AGBL4: variants seen among roughly 807,000 people sequenced by gnomAD.
AGBL4 encodes AGBL carboxypeptidase 4.
AGBL4 carries 58 observed loss-of-function variants against 66.4 expected under a neutral mutation model. That is an observed-to-expected ratio of 0.87 (90% CI 0.71 to 1.09). The LOEUF is 1.09. Among genes scored for constraint, AGBL4 ranks in the 50% least tolerant of loss-of-function variants. The pLI, the probability that AGBL4 is intolerant of heterozygous loss-of-function variation, is 0.00. For missense variants in AGBL4, 579 were observed against 631.0 expected (o/e 0.92, Z 0.88); for synonymous variants, 234 against 222.9 (o/e 1.05, Z -0.44).
chr1:49,754,899 G>C (rs1162441895), intron 2 of AGBL4, among the ~76,000 whole-genome samples: 1 of 152,214 alleles, frequency 6.6e-6, no homozygotes, highest in Non-Finnish European at 1.5e-5. Flanking sequence ...GTTGCCCCTT[G>C]AATCTGAAGG....
At chr1:49,872,532 CAGGA>C (rs1646862650) in intron 1 of AGBL4, among the ~76,000 whole-genome samples, 2 of 152,042 alleles carry the variant, frequency 1.3e-5, no homozygotes, top group Admixed American at 1.3e-4. Context: ...CTGACAGGTC[CAGGA>C]ACTGCAAGTT....
At chr1:48,685,481 C>T (rs111489623) in intron 6 of AGBL4, among the ~76,000 whole-genome samples, 221 of 152,264 alleles carry the variant, frequency 1.5e-3, no homozygotes, top group African/African-American at 4.4e-3. Flanking sequence ...GAAGCCTTGT[C>T]AGAACAAGAT....
chr1:48,577,893 T>G (rs778450772), intron 11 of AGBL4, among the ~76,000 whole-genome samples: 39 of 152,110 alleles, frequency 2.6e-4, no homozygotes, highest in Non-Finnish European at 4.7e-4. Flanking sequence ...ACTGGGAAGA[T>G]TACAGAGCAG....
At chr1:49,694,537 T>G (rs528020392) in intron 3 of AGBL4, among the ~76,000 whole-genome samples, 3 of 152,138 alleles carry the variant, frequency 2.0e-5, no homozygotes, top group African/African-American at 7.2e-5. Flanking sequence ...GCACTCTATA[T>G]GCAGACAGAA....
chr1:49,180,942 T>A (rs1049039477), intron 4 of AGBL4, among the ~76,000 whole-genome samples: 10 of 152,158 alleles, frequency 6.6e-5, no homozygotes, highest in Admixed American at 5.9e-4. Flanking sequence ...GTTAGAGAAT[T>A]TAGGGATGTT....
chr1:49,743,905 G>A (rs1173502620), intron 2 of AGBL4, among the ~76,000 whole-genome samples: 2 of 118,034 alleles, frequency 1.7e-5, no homozygotes, highest in Non-Finnish European at 3.4e-5. Flanking sequence ...GACCTATTGT[G>A]GGGTGGGGGG....
chr1:49,335,732 G>A (rs904672503), intron 3 of AGBL4, among the ~76,000 whole-genome samples: 5 of 152,060 alleles, frequency 3.3e-5, no homozygotes, highest in African/African-American at 7.2e-5. Flanking sequence ...AGTCAGGATG[G>A]TCTCAATCTC....
At position 48,709,702 on chromosome 1, in the gene AGBL4, C is replaced by T. The variant is rs1424249759; in HGVS notation, c.635-46461G>A. Reference sequence around the variant, plus strand: ...CTGCAAGGTCTGCCTTCCAGGTTCACGCCATTCTCTGGCCTCAGCCTCCTG... The same window carrying T: ...CTGCAAGGTCTGCCTTCCAGGTTCATGCCATTCTCTGGCCTCAGCCTCCTG... On this transcript the variant is annotated intron_variant, in intron 6 of 13. Coordinates refer to ENST00000371839, the MANE Select transcript of AGBL4 (RefSeq NM_032785.4). 4.0e-5 allele frequency among the ~76,000 whole-genome samples: 6 copies of T among 151,818 alleles called. No homozygotes were observed. In the East Asian group the frequency reaches 5.8e-4, roughly 15 times the overall value.
At chr1:48,933,584 C>G (rs1244230089) in intron 5 of AGBL4, among the ~76,000 whole-genome samples, 2 of 152,206 alleles carry the variant, frequency 1.3e-5, no homozygotes, top group Admixed American at 6.5e-5. Flanking sequence ...ATTCCTACAA[C>G]TAGCTCTATA....
chr1:49,866,822 G>C (rs1247709802), intron 1 of AGBL4, among the ~76,000 whole-genome samples: 2 of 150,286 alleles, frequency 1.3e-5, no homozygotes, highest in East Asian at 3.9e-4. Flanking sequence ...CTTGTATTTG[G>C]TCACCTTGAC....
At chr1:49,978,447 A>T (rs1658765811) in intron 1 of AGBL4, among the ~76,000 whole-genome samples, 1 of 152,214 alleles carries the variant, frequency 6.6e-6, no homozygotes, top group African/African-American at 2.4e-5. Flanking sequence ...CTATCACTAA[A>T]ATAAACAACA....
intron 2 of AGBL4, among the ~76,000 whole-genome samples, chr1:49,760,161 ATTTG>A (rs1188928130): frequency 2.6e-5 from 4 of 152,084 alleles, no homozygotes; most frequent in African/African-American, 9.7e-5. Context: ...TTCCTTGTAA[ATTTG>A]TTTAAGTTCC....
At chr1:49,031,761 A>G (rs1181623316) in intron 5 of AGBL4, among the ~76,000 whole-genome samples, 1 of 152,152 alleles carries the variant, frequency 6.6e-6, no homozygotes, top group Non-Finnish European at 1.5e-5. Flanking sequence ...TCCTTCTATA[A>G]AGACCCATCT....
intron 6 of AGBL4, among the ~76,000 whole-genome samples, chr1:48,714,196 C>T (rs1647011581): frequency 6.6e-6 from 1 of 152,130 alleles, no homozygotes; most frequent in Admixed American, 6.5e-5. Flanking sequence ...ATTTCTAGGG[C>T]TCAATGGGGG....
intron 6 of AGBL4, among the ~76,000 whole-genome samples, chr1:48,714,442 AC>A (rs1178352129): frequency 1.3e-5 from 2 of 152,088 alleles, no homozygotes; most frequent in Non-Finnish European, 1.5e-5. Context: ...TAATCAGCAA[AC>A]CATGCTGGTT....
intron 6 of AGBL4, among the ~76,000 whole-genome samples, chr1:48,754,861 C>T (rs924079414): frequency 3.9e-5 from 6 of 152,078 alleles, no homozygotes; most frequent in Non-Finnish European, 7.4e-5. Flanking sequence ...GAAGGCCATA[C>T]GGGTGAGGGT....
chr1:49,623,226 C>T (rs1645401483), intron 3 of AGBL4, among the ~76,000 whole-genome samples: 1 of 152,120 alleles, frequency 6.6e-6, no homozygotes, highest in African/African-American at 2.4e-5. Flanking sequence ...AGTGAGAAAA[C>T]ATACAAATTA....
chr1:49,261,007 T>C (rs1025909931), intron 3 of AGBL4, among the ~76,000 whole-genome samples: 3 of 151,644 alleles, frequency 2.0e-5, no homozygotes, highest in Non-Finnish European at 2.9e-5. Context: ...GTTCAATATA[T>C]GCCAATCAAT....
rs529276708 is a variant in AGBL4, at chr1:49,382,746, A to G, written c.283-136882T>C. 1.1e-4 allele frequency among the ~76,000 whole-genome samples: 16 copies of G among 152,336 alleles called. 1 individual carries two copies. The East Asian group carries it at 3.1e-3, about 29-fold the overall frequency. On this transcript the variant is annotated intron_variant, in intron 3 of 13. Coordinates refer to ENST00000371839, the MANE Select transcript of AGBL4 (RefSeq NM_032785.4). ...AGTATCTCTGTTCACAGAGAGCATG[A>G]TCTTACATGTAAAGACCTTAAGAGT...
Sources: allele counts gnomAD v4.1 joint callset (sites outside exome capture counted in the v4.1 genomes callset), GRCh38; gene constraint gnomAD v4.1.1; transcripts MANE v1.5; gene names NCBI Gene and HGNC (gene_info 2026-07-23, HGNC 2026-07-21).